Variants in PIEZO2 observed in about 807,000 individuals in gnomAD.
PIEZO2 encodes piezo type mechanosensitive ion channel component 2.
Under a neutral mutation model 337.3 loss-of-function variants are expected in PIEZO2, and 172 were observed. That is an observed-to-expected ratio of 0.51 (90% CI 0.45 to 0.58). The LOEUF (loss-of-function observed/expected upper bound fraction) is 0.58, where lower values mean the gene tolerates loss of function less well. PIEZO2 is among the 20% of genes least tolerant of loss of function. PIEZO2 has a pLI of 0.00. For synonymous variants in PIEZO2, 1,251 were observed against 1,228.5 expected (o/e 1.02, Z -0.38); for missense variants, 3,028 against 3,391.3 (o/e 0.89, Z 2.66).
intron 7 of PIEZO2, among the ~76,000 whole-genome samples, chr18:10,849,913 T>C (rs972185796): frequency 4.6e-5 from 7 of 152,224 alleles, no homozygotes; most frequent in Admixed American, 3.9e-4. Context: ...GTCTTAGATT[T>C]AGTTATGTGG....
intron 4 of PIEZO2, chr18:10,890,399 A>G (rs2144927130): frequency 6.6e-6 from 1 of 152,342 alleles, no homozygotes; most frequent in Non-Finnish European, 1.5e-5. Context: ...TATAACAAGA[A>G]TGTATTAGTC....
At chr18:10,791,838 C>T (rs545164305) in intron 13 of PIEZO2, among the ~76,000 whole-genome samples, 4 of 152,096 alleles carry the variant, frequency 2.6e-5, no homozygotes, top group Non-Finnish European at 5.9e-5. Flanking sequence ...TTCTAAGTGC[C>T]CATGCTTTCA....
chr18:10,779,863 G>T (rs543616526), intron 18 of PIEZO2, among the ~76,000 whole-genome samples: 1 of 152,292 alleles, frequency 6.6e-6, no homozygotes, highest in African/African-American at 2.4e-5. Context: ...ATCAGACAGA[G>T]GACCGGAAGG....
chr18:10,704,586 C>T lies in PIEZO2; in HGVS notation c.6066G>A (p.Leu2022=). The T allele has an allele frequency of 6.5e-7, 1 of 1,537,286 alleles. No homozygotes were observed. The highest frequency in any genetic ancestry group is 8.7e-7 in the Non-Finnish European group (1 of 1,146,914). The change falls in exon 42 of 56, where the codon CTG becomes CTA. Residue 2022 remains leucine, a synonymous_variant. Coordinates refer to ENST00000674853, the MANE Select transcript of PIEZO2 (RefSeq NM_001378183.1). The part of the protein sequence containing the change: ...KFYVGQPRFL[L]LFYAMYNTLV... ...GGGTATTGTACATGGCATAGAAGAG[C>T]AGCAGAAATCGGGGCTGCCCCACGT...
At chr18:10,912,582 T>G (rs1008228941) in intron 3 of PIEZO2, among the ~76,000 whole-genome samples, 1 of 152,208 alleles carries the variant, frequency 6.6e-6, no homozygotes, top group Non-Finnish European at 1.5e-5. Context: ...CTTCTTTTCC[T>G]AAAGTCAAAT....
rs1164617507 is a variant in PIEZO2, at chr18:11,048,962, T to C, written c.160+17165A>G. Among the ~76,000 whole-genome samples, 2 of 152,290 alleles carry C rather than the reference T, an allele frequency of 1.3e-5. No homozygotes were observed. Among genetic ancestry groups the C allele is most frequent in the East Asian group, 3.9e-4 (2 of 5,188 alleles). On this transcript the variant is annotated intron_variant, in intron 2 of 55. Coordinates refer to ENST00000674853, the MANE Select transcript of PIEZO2 (RefSeq NM_001378183.1). This position sits in a 1 kb window ranked among gnomAD's most constrained non-coding sequence, Gnocchi z 4.5. ...TCTGTTTAGGCAAAATAGCTACAGA[T>C]GAAGTAAAGCTCAGATGCTCTAATA...
intron 7 of PIEZO2, among the ~76,000 whole-genome samples, chr18:10,840,452 T>C (rs1306295913): frequency 6.6e-6 from 1 of 152,154 alleles, no homozygotes; most frequent in Non-Finnish European, 1.5e-5. Flanking sequence ...TCCTTTTTTA[T>C]TGAGGGTAGC....
chr18:10,701,014 A>G (rs1257144184), intron 43 of PIEZO2, among the ~76,000 whole-genome samples: 2 of 152,254 alleles, frequency 1.3e-5, no homozygotes, highest in Non-Finnish European at 2.9e-5. Context: ...TCACTGAGCT[A>G]GGGCAGAAGA....
At chr18:10,948,197 T>C (rs2033121056) in intron 3 of PIEZO2, among the ~76,000 whole-genome samples, 3 of 152,118 alleles carry the variant, frequency 2.0e-5, no homozygotes, top group Non-Finnish European at 4.4e-5. Flanking sequence ...AATTTCAATA[T>C]ATAATAAAAA....
Position 11,001,587 on chromosome 18 carries a change from C to A in PIEZO2, c.161-21927G>T, listed in dbSNP as rs976202904. The stretch of plus-strand genomic sequence containing the variant: ...AAGTAAGGATTTGCTCTTCTAAAAT[C>A]TTTTGTCAAGCAGGGTGTGGTGGCT... On this transcript the variant is annotated intron_variant, in intron 2 of 55. Transcript: ENST00000674853. This position sits in a 1 kb window ranked among gnomAD's most constrained non-coding sequence, Gnocchi z 5.3. Among the ~76,000 whole-genome samples the A allele has an allele frequency of 1.3e-5, 2 of 152,030 alleles. No individual in the cohort carries two copies. Among genetic ancestry groups the A allele is most frequent in the African/African-American group, 2.4e-5 (1 of 41,406 alleles).
At chr18:10,908,795 A>T (rs544740583) in intron 4 of PIEZO2, 1 of 152,294 alleles carries the variant, frequency 6.6e-6, no homozygotes, top group African/African-American at 2.4e-5. Context: ...AAATAAACAT[A>T]CCCAAGAATT....
chr18:11,029,395 A>G (rs550709708), intron 2 of PIEZO2, among the ~76,000 whole-genome samples: 30 of 152,272 alleles, frequency 2.0e-4, no homozygotes, highest in Admixed American at 1.6e-3. Flanking sequence ...TTTTTCACCA[A>G]ATTAGATGTT....
chr18:10,674,071 T>C (rs1044849828), intron 54 of PIEZO2, among the ~76,000 whole-genome samples: 2 of 152,148 alleles, frequency 1.3e-5, no homozygotes, highest in African/African-American at 4.8e-5. Context: ...AAAAAATGTC[T>C]ATGGCATGGA....
At chr18:10,793,484 C>T (rs976784070) in intron 13 of PIEZO2, among the ~76,000 whole-genome samples, 3 of 152,052 alleles carry the variant, frequency 2.0e-5, no homozygotes, top group Admixed American at 6.5e-5. Flanking sequence ...ATTTTAGATT[C>T]GACAGGAGAC....
chr18:10,812,636 C>T (rs1022197238), intron 7 of PIEZO2, among the ~76,000 whole-genome samples: 2 of 152,090 alleles, frequency 1.3e-5, no homozygotes, highest in Non-Finnish European at 2.9e-5. Context: ...GTCCAGCGCA[C>T]GGTTCATTCT....
intron 3 of PIEZO2, among the ~76,000 whole-genome samples, chr18:10,916,524 C>T (rs1394652041): frequency 6.6e-6 from 1 of 152,162 alleles, no homozygotes; most frequent in African/African-American, 2.4e-5. Flanking sequence ...CCTGCTGGCC[C>T]GAGTGCTAAG....
At chr18:10,720,467 A>G (rs2036263173) in intron 36 of PIEZO2, among the ~76,000 whole-genome samples, 1 of 73,788 alleles carries the variant, frequency 1.4e-5, no homozygotes, top group Non-Finnish European at 2.5e-5. Flanking sequence ...ATATATATAT[A>G]TATATATTAG....
rs1316790847 is a variant in PIEZO2, at chr18:10,795,695, C to T, written c.1528-693G>A. Among the ~76,000 whole-genome samples the T allele has an allele frequency of 6.6e-6, 1 of 152,154 alleles. No individual in the cohort carries two copies. Among genetic ancestry groups the T allele is most frequent in the Non-Finnish European group, 1.5e-5 (1 of 68,026 alleles). On this transcript the variant is annotated intron_variant, in intron 12 of 55. Coordinates refer to ENST00000674853, the MANE Select transcript of PIEZO2 (RefSeq NM_001378183.1). This position sits in a 1 kb window ranked among gnomAD's most constrained non-coding sequence, Gnocchi z 4.4. ...ACTGGAAACTGAAGTTGAGCATACA[C>T]AGGTTCATCTGAGAAGCACCTGGAC...
At chr18:11,141,063 C>G (rs189228549) in intron 1 of PIEZO2, among the ~76,000 whole-genome samples, 316 of 152,256 alleles carry the variant, frequency 2.1e-3, no homozygotes, top group Non-Finnish European at 3.6e-3. Context: ...TTAACATACC[C>G]GCTCCAATCA....
Sources: allele counts gnomAD v4.1 joint callset (sites outside exome capture counted in the v4.1 genomes callset), GRCh38; gene constraint gnomAD v4.1.1; non-coding constraint Gnocchi (gnomAD v3.1); transcripts MANE v1.5; gene names NCBI Gene and HGNC (gene_info 2026-07-23, HGNC 2026-07-21).